CPE: variants seen among roughly 807,000 people sequenced by gnomAD.
CPE encodes carbocypeptidase E.
CPE carries 17 observed loss-of-function variants against 53.5 expected under a neutral mutation model. That is an observed-to-expected ratio of 0.32 (90% CI 0.22 to 0.48). The LOEUF (loss-of-function observed/expected upper bound fraction) is 0.48, where lower values mean the gene tolerates loss of function less well. Among genes scored for constraint, CPE ranks in the 20% least tolerant of loss-of-function variants. CPE has a pLI of 0.99. For missense variants in CPE, 524 were observed against 614.7 expected (o/e 0.85, Z 1.56); for synonymous variants, 226 against 228.8 (o/e 0.99, Z 0.11).
intron 6 of CPE, 42 bp from the exon 7 acceptor site, chr4:165,493,129 T>C (rs761431084): frequency 3.9e-6 from 5 of 1,271,994 alleles, no homozygotes; most frequent in Middle Eastern, 1.9e-4. Flanking sequence ...TCTATAAATT[T>C]ATAGGTCATA....
intron 1 of CPE, among the ~76,000 whole-genome samples, chr4:165,453,758 G>T (rs1731853663): frequency 6.6e-6 from 1 of 152,092 alleles, no homozygotes; most frequent in African/African-American, 2.4e-5. Context: ...TCTCCTGGAG[G>T]GAGACCCAAA....
At chr4:165,395,050 T>C (rs1389845291) in intron 1 of CPE, among the ~76,000 whole-genome samples, 1 of 152,192 alleles carries the variant, frequency 6.6e-6, no homozygotes, top group East Asian at 1.9e-4. Context: ...TTTGTTTTGA[T>C]TTTTGTCCTG....
rs937918960 is a variant in CPE at position 165,455,952 on chromosome 4, C to G, written c.308-8438C>G. ...ACAGGCGTGAGCCACCATGCCTGGC[C>G]ACAAGTCAAAGGTTTTTCTGAATCT... On this transcript the variant is annotated intron_variant, in intron 1 of 8. Transcript: ENST00000402744. Among the ~76,000 whole-genome samples, 7 of 152,044 alleles carry G rather than the reference C, an allele frequency of 4.6e-5. No homozygotes were observed. In the South Asian group the frequency reaches 1.5e-3, roughly 32 times the overall value.
At chr4:165,418,119 G>C (rs776659467) in intron 1 of CPE, 1 of 152,136 alleles carries the variant, frequency 6.6e-6, no homozygotes, top group South Asian at 2.1e-4. Context: ...ATTTAATAAG[G>C]GTGTTGTTTA....
intron 1 of CPE, among the ~76,000 whole-genome samples, chr4:165,394,621 C>T (rs1023542095): frequency 6.6e-6 from 1 of 152,102 alleles, no homozygotes; most frequent in Non-Finnish European, 1.5e-5. Context: ...CATGTGTCTA[C>T]ATTACATTTC....
At chr4:165,405,183 G>A (rs987216367) in intron 1 of CPE, 4 of 776,506 alleles carry the variant, frequency 5.2e-6, no homozygotes, top group Non-Finnish European at 7.2e-6. Flanking sequence ...AACCCAGTGA[G>A]TGTGGCATCT....
At chr4:165,470,730 C>G (rs1311656100) in intron 3 of CPE, among the ~76,000 whole-genome samples, 1 of 152,126 alleles carries the variant, frequency 6.6e-6, no homozygotes, top group Non-Finnish European at 1.5e-5. Flanking sequence ...AACATTTCCC[C>G]CCTCAAGAAT....
chr4:165,417,000 T>C (rs987439074), intron 1 of CPE, among the ~76,000 whole-genome samples: 1 of 152,186 alleles, frequency 6.6e-6, no homozygotes, highest in Non-Finnish European at 1.5e-5. Context: ...ACTGTAATCT[T>C]GCAGGACTGG....
At chr4:165,425,610 A>G (rs567098853) in intron 1 of CPE, among the ~76,000 whole-genome samples, 1 of 152,320 alleles carries the variant, frequency 6.6e-6, no homozygotes, top group African/African-American at 2.4e-5. Context: ...ATAAAGTCAA[A>G]TCATCCAAAG....
At chr4:165,478,541 GT>G (rs1271908521) in intron 3 of CPE, among the ~76,000 whole-genome samples, 4 of 152,210 alleles carry the variant, frequency 2.6e-5, no homozygotes, top group Non-Finnish European at 4.4e-5. Context: ...TCTTTTAAAA[GT>G]TTTTTATTGC....
intron 1 of CPE, among the ~76,000 whole-genome samples, chr4:165,420,063 C>A (rs749821752): frequency 3.3e-5 from 5 of 151,680 alleles, no homozygotes; most frequent in Non-Finnish European, 5.9e-5. Context: ...ACTTTTGTAG[C>A]CTTATATGTG....
rs906418023 is a variant in CPE at position 165,455,721 on chromosome 4, C to T, written c.308-8669C>T. 1.1e-4 allele frequency among the ~76,000 whole-genome samples: 16 copies of T among 150,496 alleles called. No individual in the cohort carries two copies. The South Asian group carries it at 1.5e-3, about 14-fold the overall frequency. ...AGGATAGAGTGCAGTGGCATGATGT[C>T]GGCTCACTGCAACCTCTGCCTCCTG... On this transcript the variant is annotated intron_variant, in intron 1 of 8. Coordinates refer to ENST00000402744, the MANE Select transcript of CPE (RefSeq NM_001873.4).
intron 1 of CPE, among the ~76,000 whole-genome samples, chr4:165,399,252 A>AT (rs1730829160): frequency 2.0e-5 from 3 of 152,246 alleles, no homozygotes; most frequent in Non-Finnish European, 4.4e-5. Context: ...TTTGAGGGTG[A>AT]TAAAAATAAT....
At chr4:165,386,365 A>G (rs377558224) in intron 1 of CPE, 105 of 437,196 alleles carry the variant, frequency 2.4e-4, no homozygotes, top group African/African-American at 1.6e-3. Flanking sequence ...GTCTAGTATT[A>G]TGCTTGGGAC....
At chr4:165,410,854 G>A (rs374160006) in intron 1 of CPE, among the ~76,000 whole-genome samples, 1 of 152,056 alleles carries the variant, frequency 6.6e-6, no homozygotes, top group African/African-American at 2.4e-5. Flanking sequence ...TTGTGTGTGT[G>A]CACTTGCACT....
intron 1 of CPE, chr4:165,405,135 C>G (rs1475678325): frequency 3.3e-5 from 25 of 757,010 alleles, no homozygotes; most frequent in Non-Finnish European, 6.1e-5. Flanking sequence ...TTTACTTTGT[C>G]ATTCAATCCT....
intron 7 of CPE, among the ~76,000 whole-genome samples, chr4:165,493,800 ATGTTAG>A (rs1330085311): frequency 1.3e-5 from 2 of 152,178 alleles, no homozygotes; most frequent in African/African-American, 4.8e-5. Flanking sequence ...TTGAGGTGCG[ATGTTAG>A]TGACTTCCAG....
At chr4:165,471,056 C>T (rs987039256) in intron 3 of CPE, among the ~76,000 whole-genome samples, 19 of 152,014 alleles carry the variant, frequency 1.2e-4, no homozygotes, top group African/African-American at 1.9e-4. Flanking sequence ...CAAGAGGAGA[C>T]GAATTAGTTT....
chr4:165,439,917 T>C (rs1372121626), intron 1 of CPE, among the ~76,000 whole-genome samples: 1 of 152,192 alleles, frequency 6.6e-6, no homozygotes, highest in Non-Finnish European at 1.5e-5. Flanking sequence ...GTGAGCCCAT[T>C]AAATGAACAA....
Sources: gnomAD v4.1 joint callset for allele counts (sites outside exome capture counted in the v4.1 genomes callset) on GRCh38, gnomAD v4.1.1 for gene constraint, MANE v1.5 for transcripts, NCBI Gene and HGNC (gene_info 2026-07-23, HGNC 2026-07-21) for gene names.